CPA6: variants seen among roughly 807,000 people sequenced by gnomAD.
CPA6 encodes carboxypeptidase A6.
Under a neutral mutation model 63.3 loss-of-function variants are expected in CPA6, and 58 were observed. That is an observed-to-expected ratio of 0.92 (90% CI 0.74 to 1.14). The LOEUF (loss-of-function observed/expected upper bound fraction) is 1.14. CPA6 is among the 50% of genes most tolerant of loss of function. CPA6 has a pLI of 0.00. For synonymous variants in CPA6, 185 were observed against 179.0 expected, an observed-to-expected ratio of 1.03 and a Z score of -0.27; for missense variants, 565 against 526.6, an observed-to-expected ratio of 1.07 and a Z score of -0.71.
chr8:67,708,262 G>A (rs1009939199), intron 1 of CPA6, among the ~76,000 whole-genome samples: 1 of 152,168 alleles, frequency 6.6e-6, no homozygotes, highest in Admixed American at 6.5e-5. Flanking sequence ...CAAATAATCA[G>A]GCGAAGGTTC....
intron 8 of CPA6, among the ~76,000 whole-genome samples, chr8:67,471,361 T>C (rs1487677537): frequency 6.6e-6 from 1 of 152,178 alleles, no homozygotes; most frequent in East Asian, 1.9e-4. Context: ...TCCCCAATAA[T>C]CAGCTAGTTG....
chr8:67,428,509 A>G (rs1809946138), intron 9 of CPA6, among the ~76,000 whole-genome samples: 1 of 151,844 alleles, frequency 6.6e-6, no homozygotes, highest in Non-Finnish European at 1.5e-5. Context: ...TTTTGGAAGG[A>G]GTCTCGCTCT....
In CPA6 at chr8:67,646,394, C is replaced by T. The variant is rs376193499; in HGVS notation, c.117-22143G>A. Among the ~76,000 whole-genome samples the T allele has an allele frequency of 3.3e-5, 5 of 152,308 alleles. No homozygotes were observed. In the East Asian group the frequency reaches 9.6e-4, roughly 29 times the overall value. ...TGGCCATCAAATAAAGCCTGCACTG[C>T]TAGACATTCACTTTTGGTTTTGCCT... On this transcript the variant is annotated intron_variant, in intron 1 of 10. Transcript: ENST00000297770.
intron 1 of CPA6, among the ~76,000 whole-genome samples, chr8:67,716,980 G>A (rs1158687458): frequency 1.3e-5 from 2 of 152,102 alleles, no homozygotes; most frequent in Non-Finnish European, 2.9e-5. Flanking sequence ...GAGTATGTTT[G>A]TTTCTATGTA....
intron 8 of CPA6, among the ~76,000 whole-genome samples, chr8:67,465,372 C>T (rs766094821): frequency 1.3e-5 from 2 of 151,650 alleles, no homozygotes; most frequent in Non-Finnish European, 3.0e-5. Flanking sequence ...TAACTGAAGT[C>T]GTTTATCAGT....
chr8:67,726,917 T>C (rs1434744452), intron 1 of CPA6, among the ~76,000 whole-genome samples: 1 of 152,210 alleles, frequency 6.6e-6, no homozygotes, highest in Non-Finnish European at 1.5e-5. Flanking sequence ...CAGTCATTAG[T>C]TTGGCACTGA....
chr8:67,686,603 A>G (rs541554633), intron 1 of CPA6, among the ~76,000 whole-genome samples: 1 of 152,344 alleles, frequency 6.6e-6, no homozygotes, highest in South Asian at 2.1e-4. Context: ...TACTTGCCTT[A>G]GTATGTGGGT....
At chr8:67,543,355 G>A (rs796397584) in intron 2 of CPA6, among the ~76,000 whole-genome samples, 33 of 152,352 alleles carry the variant, frequency 2.2e-4, no homozygotes, top group Middle Eastern at 3.4e-3. Context: ...TTTGCAGCAC[G>A]ATATCAAGGG....
chr8:67,476,056 T>C (rs7834690), intron 8 of CPA6, among the ~76,000 whole-genome samples: 65,915 of 148,744 alleles, frequency 0.44, 15,925 homozygotes, highest in African/African-American at 0.66. Flanking sequence ...GCTCTGTTGC[T>C]GAGGTTGGAG....
chr8:67,458,821 G>A (rs1810735529), intron 8 of CPA6, among the ~76,000 whole-genome samples: 1 of 152,192 alleles, frequency 6.6e-6, no homozygotes, highest in Admixed American at 6.5e-5. Flanking sequence ...TGTCATCAGG[G>A]AAATTCCAAT....
chr8:67,435,745 C>A (rs1192592304), intron 8 of CPA6, among the ~76,000 whole-genome samples: 2 of 152,044 alleles, frequency 1.3e-5, no homozygotes, highest in South Asian at 4.1e-4. Flanking sequence ...AGAGAGGGGA[C>A]CTCCCAGCTC....
chr8:67,684,951 C>G (rs574459933), intron 1 of CPA6, among the ~76,000 whole-genome samples: 2 of 152,284 alleles, frequency 1.3e-5, no homozygotes, highest in African/African-American at 4.8e-5. Flanking sequence ...TTTCCACCCA[C>G]TTACCCTGCC....
rs113602907 is a variant in CPA6, at chr8:67,428,885, A to G, written c.1042-754T>C. ...AGTACTTAGCAATGTGCCTGTATAC[A>G]ACAGATGCTTGATCAATATTTCTTA... On this transcript the variant is annotated intron_variant, in intron 9 of 10. Transcript: ENST00000297770. 6.4e-4 allele frequency among the ~76,000 whole-genome samples: 98 copies of G among 152,360 alleles called. 1 individual carries two copies. Among genetic ancestry groups the G allele is most frequent in the Admixed American group, 2.9e-3 (44 of 15,300 alleles).
At chr8:67,524,757 G>A (rs1410736300) in intron 2 of CPA6, among the ~76,000 whole-genome samples, 1 of 151,936 alleles carries the variant, frequency 6.6e-6, no homozygotes, top group African/African-American at 2.4e-5. Flanking sequence ...TGACAGTAGG[G>A]ACTGATATAT....
chr8:67,557,884 A>G (rs572224526), intron 2 of CPA6, among the ~76,000 whole-genome samples: 21 of 152,308 alleles, frequency 1.4e-4, no homozygotes, highest in African/African-American at 5.1e-4. Flanking sequence ...ATTTTGTGTC[A>G]TGGCTGAGAC....
At chr8:67,476,341 A>T (rs956552801) in intron 8 of CPA6, among the ~76,000 whole-genome samples, 1 of 152,118 alleles carries the variant, frequency 6.6e-6, no homozygotes, top group South Asian at 2.1e-4. Context: ...GGGCTACAAA[A>T]ATCTGCCTTC....
At chr8:67,496,838 C>A (rs549678242) in intron 6 of CPA6, among the ~76,000 whole-genome samples, 1 of 152,020 alleles carries the variant, frequency 6.6e-6, no homozygotes, top group South Asian at 2.1e-4. Flanking sequence ...GGATTACAGG[C>A]GTGAGCCACG....
chr8:67,660,345 T>G (rs1407005371), intron 1 of CPA6, among the ~76,000 whole-genome samples: 1 of 143,190 alleles, frequency 7.0e-6, no homozygotes, highest in African/African-American at 2.6e-5. Context: ...TTTTTTTTTT[T>G]TTGAGACAGA....
intron 1 of CPA6, among the ~76,000 whole-genome samples, chr8:67,630,653 G>C (rs1815303689): frequency 6.6e-6 from 1 of 152,218 alleles, no homozygotes; most frequent in African/African-American, 2.4e-5. Context: ...GCCCGCTGCT[G>C]CTCTGTGGGA....
Sources: gnomAD v4.1 joint callset for allele counts (sites outside exome capture counted in the v4.1 genomes callset) on GRCh38, gnomAD v4.1.1 for gene constraint, MANE v1.5 for transcripts, NCBI Gene and HGNC (gene_info 2026-07-23, HGNC 2026-07-21) for gene names.